The following MRE11 variants were observed in gnomAD, a reference collection of about 807,000 sequenced individuals.
The protein encoded by MRE11 is MRE11 double strand break repair nuclease.
MRE11 carries 62 observed loss-of-function variants against 91.7 expected under a neutral mutation model. The observed-to-expected ratio is 0.68, with a 90% CI of 0.55 to 0.84. MRE11 has a LOEUF of 0.84. Ranked by LOEUF, MRE11 falls within the 40% of genes least tolerant of loss-of-function variation. MRE11 has a pLI of 0.00. For synonymous variants in MRE11, 273 were observed against 271.4 expected (o/e 1.01, Z -0.06); for missense variants, 796 against 852.9 (o/e 0.93, Z 0.83).
the MRE11 span, among the ~76,000 whole-genome samples, chr11:94,503,520 T>C: frequency 6.6e-6 from 1 of 151,968 alleles, no homozygotes; most frequent in South Asian, 2.1e-4. Flanking sequence ...AAACCCTGTC[T>C]CTACTAAAAA....
At chr11:94,461,819 T>C (rs1946423665) in intron 11 of MRE11, among the ~76,000 whole-genome samples, 1 of 152,174 alleles carries the variant, frequency 6.6e-6, no homozygotes, top group Non-Finnish European at 1.5e-5. Flanking sequence ...CTCACGCCTG[T>C]AATCCCAGCA....
At chr11:94,438,522 T>C (rs183860863) in intron 16 of MRE11, among the ~76,000 whole-genome samples, 1 of 152,258 alleles carries the variant, frequency 6.6e-6, no homozygotes, top group Admixed American at 6.5e-5. Context: ...GAATAAAAAA[T>C]CCAGTGATCA....
Position 94,419,463 on chromosome 11 carries a change from A to AGGGAGG in MRE11, c.*661_*662insCCTCCC, listed in dbSNP as rs1945110541. 4.5e-6 allele frequency: 1 copy of AGGGAGG among 221,480 alleles called. No individual in the cohort carries two copies. Among genetic ancestry groups the AGGGAGG allele is most frequent in the Non-Finnish European group, 8.8e-6 (1 of 113,494 alleles). The allele number at this position is 221,480 out of a possible 1,614,324, so 13.7% of individuals were successfully genotyped here. On this transcript the variant is annotated 3_prime_UTR_variant, in exon 20 of 20. Coordinates refer to ENST00000323929, the MANE Select transcript of MRE11 (RefSeq NM_005591.4). Reference sequence around the variant, plus strand: ...AGGAAGAGTGGGGAACGGGGGGGAGAGGGAGAGAGAGAGAGAGAGAGAGAG... The same window carrying AGGGAGG: ...AGGAAGAGTGGGGAACGGGGGGGAGAGGGAGGGGGAGAGAGAGAGAGAGAGAGAGAG...
At chr11:94,476,621 G>T (rs1005040764) in intron 6 of MRE11, among the ~76,000 whole-genome samples, 4 of 151,836 alleles carry the variant, frequency 2.6e-5, no homozygotes, top group African/African-American at 9.7e-5. Context: ...GTCCAGGCTG[G>T]TCTCAAACTC....
the MRE11 span, among the ~76,000 whole-genome samples, chr11:94,510,241 T>A: frequency 2.0e-5 from 3 of 152,230 alleles, no homozygotes; most frequent in Admixed American, 6.5e-5. Context: ...TTTTAAGTAA[T>A]TTCTCTATTT....
chr11:94,455,017 C>A (rs1290956320), intron 14 of MRE11, among the ~76,000 whole-genome samples: 1 of 152,120 alleles, frequency 6.6e-6, no homozygotes, highest in Non-Finnish European at 1.5e-5. Flanking sequence ...AAAAAACAAC[C>A]TGTAAAAGAT....
intron 10 of MRE11, among the ~76,000 whole-genome samples, chr11:94,467,320 G>GTACATAGAT (rs1946588690): frequency 6.6e-6 from 1 of 152,072 alleles, no homozygotes; most frequent in South Asian, 2.1e-4. Context: ...CAAATAAACC[G>GTACATAGAT]TACATAGATT....
At chr11:94,461,486 T>C (rs1339286244) in intron 11 of MRE11, among the ~76,000 whole-genome samples, 1 of 152,154 alleles carries the variant, frequency 6.6e-6, no homozygotes, top group Non-Finnish European at 1.5e-5. Flanking sequence ...TAATAAGAGC[T>C]ATTTATGACA....
At chr11:94,487,276 G>A (rs1353888129) in intron 3 of MRE11, among the ~76,000 whole-genome samples, 2 of 152,138 alleles carry the variant, frequency 1.3e-5, no homozygotes, top group Non-Finnish European at 2.9e-5. Flanking sequence ...AATATATTTT[G>A]CCATCATTCA....
At chr11:94,512,377 G>T in the MRE11 span, 4 of 690,744 alleles carry the variant, frequency 5.8e-6, no homozygotes, top group African/African-American at 1.8e-5. Flanking sequence ...CACCTTCTTT[G>T]GTGCGCGGAA....
At chr11:94,498,091 C>A (rs2509943), upstream of MRE11, 2 of 1,610,214 alleles carry the variant, frequency 1.2e-6, no homozygotes, top group South Asian at 2.2e-5. Context: ...TGCGGAGACT[C>A]CTTTCTGAAA....
At chr11:94,509,530 C>G in the MRE11 span, among the ~76,000 whole-genome samples, 1 of 152,100 alleles carries the variant, frequency 6.6e-6, no homozygotes, top group Non-Finnish European at 1.5e-5. Context: ...GCAACCTCTA[C>G]CTCCCGGGTT....
chr11:94,488,327 A>G (rs1947194935), intron 3 of MRE11, among the ~76,000 whole-genome samples: 1 of 152,196 alleles, frequency 6.6e-6, no homozygotes, highest in Non-Finnish European at 1.5e-5. Context: ...AATTACGGAG[A>G]AAAGGGAACA....
chr11:94,483,259 G>GA (rs1255832513), intron 4 of MRE11, among the ~76,000 whole-genome samples: 2 of 152,124 alleles, frequency 1.3e-5, no homozygotes. Flanking sequence ...GATTGCTTGG[G>GA]CCCAGGACCA....
intron 4 of MRE11, among the ~76,000 whole-genome samples, chr11:94,481,866 G>T (rs1947021235): frequency 6.6e-6 from 1 of 151,830 alleles, no homozygotes; most frequent in Non-Finnish European, 1.5e-5. Flanking sequence ...CCCTATCTTT[G>T]CCTATTTTCT....
At chr11:94,473,172 G>A (rs1334855377) in intron 7 of MRE11, 2 of 152,110 alleles carry the variant, frequency 1.3e-5, no homozygotes, top group African/African-American at 2.4e-5. Flanking sequence ...GGGCTAAGCA[G>A]AATAAATGCA....
intron 10 of MRE11, chr11:94,466,562 C>CTT: frequency 2.0e-6 from 1 of 508,476 alleles, no homozygotes; most frequent in South Asian, 1.4e-5. Flanking sequence ...CCCGCAAATA[C>CTT]TTTTGCACCA....
intron 14 of MRE11, among the ~76,000 whole-genome samples, chr11:94,451,262 T>C (rs933047103): frequency 2.0e-5 from 3 of 151,732 alleles, no homozygotes; most frequent in Admixed American, 2.0e-4. Flanking sequence ...ATCTGGAAAA[T>C]GAATAACTTA....
At chr11:94,465,391 CTCTCT>C (rs1946534847) in intron 10 of MRE11, among the ~76,000 whole-genome samples, 2 of 148,378 alleles carry the variant, frequency 1.3e-5, no homozygotes, top group African/African-American at 5.0e-5. Context: ...ATCTCTCTCT[CTCTCT>C]TTTTTTTTTT....
Sources: gnomAD v4.1 joint callset for allele counts (sites outside exome capture counted in the v4.1 genomes callset) on GRCh38, gnomAD v4.1.1 for gene constraint, MANE v1.5 for transcripts, NCBI Gene and HGNC (gene_info 2026-07-23, HGNC 2026-07-21) for gene names.